The following KDM6A variants were observed in gnomAD, a reference collection of about 807,000 sequenced individuals.
KDM6A encodes the protein lysine-specific demethylase 6A.
Under a neutral mutation model 117.6 loss-of-function variants are expected in KDM6A, and 11 were observed. That is an observed-to-expected ratio of 0.09 (90% CI 0.06 to 0.15). The LOEUF (loss-of-function observed/expected upper bound fraction) is 0.15. KDM6A is among the 10% of genes least tolerant of loss of function. The pLI is 1.00. For missense variants in KDM6A, 799 were observed against 1,077.3 expected, an observed-to-expected ratio of 0.74 and a Z score of 3.62; for synonymous variants, 384 against 396.1, an observed-to-expected ratio of 0.97 and a Z score of 0.36.
In KDM6A at chrX:45,082,647, C is replaced by T. The variant is rs1305238701; in HGVS notation, c.3365+7C>T. ...AATCTACATCGTCAGATAAGTAAGT[C>T]ATTTTTAATGTCCACTTAGTATTTC... On this transcript the variant is annotated splice_region_variant and intron_variant, in intron 22 of 29. Transcript: ENST00000611820. The T allele has an allele frequency of 8.5e-7, 1 of 1,172,938 alleles. No homozygotes were observed. The highest frequency in any genetic ancestry group is 2.2e-5 in the Admixed American group (1 of 45,947).
At chrX:45,012,478 C>T (rs748928182) in intron 5 of KDM6A, among the ~76,000 whole-genome samples, 3 of 110,927 alleles carry the variant, frequency 2.7e-5, no homozygotes, top group Non-Finnish European at 5.7e-5. Flanking sequence ...GCTAGGATTA[C>T]AGGTGTGAGC....
intron 4 of KDM6A, among the ~76,000 whole-genome samples, chrX:44,986,267 A>AT (rs2040219913): frequency 9.0e-6 from 1 of 111,503 alleles, no homozygotes; most frequent in Non-Finnish European, 1.9e-5. Context: ...TCCCTTTATC[A>AT]TTTTTTATTG....
intron 10 of KDM6A, among the ~76,000 whole-genome samples, chrX:45,055,809 A>G (rs765093693): frequency 1.8e-5 from 2 of 111,666 alleles, no homozygotes; most frequent in African/African-American, 6.5e-5. Flanking sequence ...ACGAATGTAT[A>G]CTAGAAAGTA....
intron 2 of KDM6A, among the ~76,000 whole-genome samples, chrX:44,944,597 A>G (rs942002431): frequency 9.0e-6 from 1 of 110,550 alleles, no homozygotes; most frequent in Non-Finnish European, 1.9e-5. Flanking sequence ...GACTTCTTTG[A>G]CTCTTTTCAC....
At chrX:45,086,179 A>G in intron 25 of KDM6A, 200 bp downstream of exon 25, 1 of 391,699 alleles carries the variant, frequency 2.6e-6, no homozygotes, top group South Asian at 3.5e-5. Context: ...GCCATGAAAC[A>G]ACTTCATGCA....
chrX:44,987,154 A>G (rs2040277027), intron 4 of KDM6A, among the ~76,000 whole-genome samples: 1 of 111,629 alleles, frequency 9.0e-6, no homozygotes, highest in African/African-American at 3.3e-5. Context: ...TGATCGCTTT[A>G]CCATTATGTA....
intron 2 of KDM6A, among the ~76,000 whole-genome samples, chrX:44,958,181 ATTTTT>A (rs35278318): frequency 1.0e-5 from 1 of 97,481 alleles, no homozygotes. Flanking sequence ...TCTTTAATGA[ATTTTT>A]TTTTTTTTTT....
intron 19 of KDM6A, among the ~76,000 whole-genome samples, chrX:45,077,036 T>C (rs911940379): frequency 1.7e-4 from 19 of 110,765 alleles, no homozygotes; most frequent in African/African-American, 6.2e-4. Context: ...TGTGATGATA[T>C]TAGAATCATG....
At chrX:45,093,934 G>T (rs2045998580) in intron 27 of KDM6A, among the ~76,000 whole-genome samples, 1 of 110,059 alleles carries the variant, frequency 9.1e-6, no homozygotes, top group African/African-American at 3.3e-5. Flanking sequence ...ACTCCATTTT[G>T]CCCTACGCTA....
chrX:44,874,843 C>T (rs2031321209), intron 2 of KDM6A, among the ~76,000 whole-genome samples: 1 of 110,907 alleles, frequency 9.0e-6, no homozygotes, highest in Non-Finnish European at 1.9e-5. Context: ...CGTGAATAAG[C>T]CTTTCCTTCG....
intron 27 of KDM6A, among the ~76,000 whole-genome samples, chrX:45,091,541 AT>A (rs2045895985): frequency 8.9e-6 from 1 of 111,879 alleles, no homozygotes; most frequent in East Asian, 2.8e-4. Context: ...CTATGGAAAT[AT>A]GGGAAATGAT....
At chrX:45,077,842 T>G (rs867846967) in intron 19 of KDM6A, among the ~76,000 whole-genome samples, 5 of 111,647 alleles carry the variant, frequency 4.5e-5, no homozygotes, top group Middle Eastern at 4.6e-3. Context: ...TCAGTACTGT[T>G]AAGCATATTC....
intron 17 of KDM6A, among the ~76,000 whole-genome samples, chrX:45,068,552 CT>C (rs746190040): frequency 0.017 from 1,621 of 95,130 alleles, 41 homozygotes; most frequent in African/African-American, 0.055. Flanking sequence ...TTTTTCTCCC[CT>C]TTTTTTTTAA....
chrX:45,039,503 A>ATTTTT (rs756202597), intron 8 of KDM6A, among the ~76,000 whole-genome samples: 2 of 61,254 alleles, frequency 3.3e-5, no homozygotes, highest in Admixed American at 2.4e-4. Flanking sequence ...TCATTTGATA[A>ATTTTT]TTTTTTTTTT....
chrX:44,986,876 ATGTATATTCTG>A (rs1169198207), intron 4 of KDM6A, among the ~76,000 whole-genome samples: 3 of 111,870 alleles, frequency 2.7e-5, no homozygotes, highest in Non-Finnish European at 5.6e-5. Flanking sequence ...GCTGAGAAGA[ATGTATATTCTG>A]TTGATTTGGG....
intron 2 of KDM6A, among the ~76,000 whole-genome samples, chrX:44,899,384 T>G (rs192468279): frequency 1.2e-4 from 13 of 108,843 alleles, no homozygotes; most frequent in African/African-American, 4.4e-4. Context: ...ATTAGCTATA[T>G]GCCCGGCTCC....
intron 2 of KDM6A, among the ~76,000 whole-genome samples, chrX:44,957,044 C>T (rs779669716): frequency 2.4e-4 from 26 of 110,440 alleles, no homozygotes; most frequent in Non-Finnish European, 4.4e-4. Flanking sequence ...GCAGGAGAAT[C>T]GCTTGCACGC....
At chrX:44,974,053 T>C (rs2039496646) in intron 3 of KDM6A, among the ~76,000 whole-genome samples, 1 of 111,558 alleles carries the variant, frequency 9.0e-6, no homozygotes, top group African/African-American at 3.3e-5. Flanking sequence ...TTAGAGGCTT[T>C]CTTTAGATGT....
At chrX:44,929,973 C>T (rs978254515) in intron 2 of KDM6A, among the ~76,000 whole-genome samples, 6 of 110,995 alleles carry the variant, frequency 5.4e-5, no homozygotes, top group African/African-American at 2.0e-4. Context: ...ATTTTTTCTG[C>T]TTCCGTCCCT....
Sources: gnomAD v4.1 joint callset for allele counts (sites outside exome capture counted in the v4.1 genomes callset) on GRCh38, gnomAD v4.1.1 for gene constraint, MANE v1.5 for transcripts, NCBI Gene and HGNC (gene_info 2026-07-23, HGNC 2026-07-21) for gene names.